STARD13: variants seen among roughly 807,000 people sequenced by gnomAD.
STARD13 encodes the protein StAR related lipid transfer domain containing 13.
STARD13 carries 62 observed loss-of-function variants against 106.4 expected under a neutral mutation model. The ratio of observed to expected loss-of-function variants is 0.58; its 90% CI spans 0.48 to 0.72. The LOEUF (loss-of-function observed/expected upper bound fraction) is 0.72, where lower values mean the gene tolerates loss of function less well. STARD13 is among the 30% of genes least tolerant of loss of function. The probability of loss-of-function intolerance (pLI) is 0.00; values close to 1 mark genes in which losing one functional copy is unlikely to be tolerated. For missense variants in STARD13, 1,387 were observed against 1,424.0 expected (o/e 0.97, Z 0.42); for synonymous variants, 565 against 553.0 (o/e 1.02, Z -0.31).
the STARD13 span, among the ~76,000 whole-genome samples, chr13:33,486,348 G>A: frequency 1.2e-4 from 19 of 152,024 alleles, no homozygotes; most frequent in Non-Finnish European, 2.5e-4. Flanking sequence ...GTGGATGCCC[G>A]AAATTGTGCA....
chr13:33,136,853 C>T (rs780894648), intron 4 of STARD13, among the ~76,000 whole-genome samples: 9 of 152,164 alleles, frequency 5.9e-5, no homozygotes, highest in Non-Finnish European at 4.4e-5. Context: ...ACAGTGGGGT[C>T]GAAAGGGGTT....
chr13:33,397,718 C>G, the STARD13 span, among the ~76,000 whole-genome samples: 1 of 152,134 alleles, frequency 6.6e-6, no homozygotes, highest in South Asian at 2.1e-4. Context: ...ATTAGTCTGC[C>G]AGGACTGCTG....
chr13:33,271,158 C>G (rs1343161447), intron 1 of STARD13, among the ~76,000 whole-genome samples: 3 of 152,202 alleles, frequency 2.0e-5, no homozygotes, highest in Non-Finnish European at 4.4e-5. Flanking sequence ...TGTAACTATT[C>G]TGGTCTACGG....
chr13:33,339,644 C>T (rs973396159), intron 1 of STARD13, among the ~76,000 whole-genome samples: 2 of 152,224 alleles, frequency 1.3e-5, no homozygotes, highest in African/African-American at 4.8e-5. Context: ...ACACTTAGCA[C>T]AAAGCCTCTC....
At chr13:33,530,723 G>T in the STARD13 span, among the ~76,000 whole-genome samples, 3 of 152,084 alleles carry the variant, frequency 2.0e-5, no homozygotes, top group African/African-American at 7.2e-5. Context: ...TCTTTTTAAT[G>T]ATATTAGCAG....
chr13:33,676,113 A>G, the STARD13 span, among the ~76,000 whole-genome samples: 1 of 152,216 alleles, frequency 6.6e-6, no homozygotes. Context: ...CCGCAATCAC[A>G]GGAAACTGGA....
chr13:33,593,519 G>A, the STARD13 span, among the ~76,000 whole-genome samples: 1 of 152,076 alleles, frequency 6.6e-6, no homozygotes, highest in African/African-American at 2.4e-5. Context: ...CTTACTATGA[G>A]CTTTTTCACT....
the STARD13 span, among the ~76,000 whole-genome samples, chr13:33,375,434 G>A: frequency 6.6e-6 from 1 of 152,124 alleles, no homozygotes; most frequent in Non-Finnish European, 1.5e-5. Context: ...ATTATTTATA[G>A]TGCCCCTTTA....
chr13:33,110,519 T>C (rs901898102), intron 11 of STARD13, among the ~76,000 whole-genome samples, 167 bp downstream of exon 11: 1 of 152,216 alleles, frequency 6.6e-6, no homozygotes, highest in Non-Finnish European at 1.5e-5. Flanking sequence ...TCTCTGATTA[T>C]AGGCAACAGA....
At chr13:33,540,020 CA>C in the STARD13 span, among the ~76,000 whole-genome samples, 3 of 152,186 alleles carry the variant, frequency 2.0e-5, no homozygotes, top group African/African-American at 7.2e-5. Flanking sequence ...AACATATACC[CA>C]CTTAATGGCT....
chr13:33,540,144 G>A, the STARD13 span, among the ~76,000 whole-genome samples: 1 of 152,170 alleles, frequency 6.6e-6, no homozygotes, highest in Non-Finnish European at 1.5e-5. Context: ...AGAACCTAGT[G>A]GATGCCTGAA....
At chr13:33,383,160 G>A in the STARD13 span, among the ~76,000 whole-genome samples, 2 of 152,050 alleles carry the variant, frequency 1.3e-5, no homozygotes, top group East Asian at 3.9e-4. Context: ...CCCTTTCTTT[G>A]TCTCACAGAC....
At chr13:33,181,748 T>C (rs995517718) in intron 1 of STARD13, among the ~76,000 whole-genome samples, 3 of 152,236 alleles carry the variant, frequency 2.0e-5, no homozygotes, top group Admixed American at 1.3e-4. Flanking sequence ...ATATTGCTAC[T>C]GTTTTCTGAA....
the STARD13 span, among the ~76,000 whole-genome samples, chr13:33,453,364 G>A: frequency 6.6e-6 from 1 of 152,182 alleles, no homozygotes; most frequent in Non-Finnish European, 1.5e-5. Flanking sequence ...CCTGGAAAAT[G>A]TCAGATGTTG....
At chr13:33,174,874 G>A (rs758102633) in intron 1 of STARD13, among the ~76,000 whole-genome samples, 2 of 152,194 alleles carry the variant, frequency 1.3e-5, no homozygotes, top group African/African-American at 4.8e-5. Flanking sequence ...TCTGCCTAGA[G>A]TGCATGATCT....
At chr13:33,233,954 G>T (rs1294608954) in intron 1 of STARD13, among the ~76,000 whole-genome samples, 1 of 152,184 alleles carries the variant, frequency 6.6e-6, no homozygotes, top group Non-Finnish European at 1.5e-5. Flanking sequence ...CCGAATAGGT[G>T]GGGTGCCCCT....
the STARD13 span, among the ~76,000 whole-genome samples, chr13:33,516,873 C>T: frequency 6.8e-6 from 1 of 147,546 alleles, no homozygotes; most frequent in African/African-American, 2.5e-5. Flanking sequence ...CCCAGCAGTT[C>T]GAGGTTGTAG....
At chr13:33,194,017 T>C (rs1886438314) in intron 1 of STARD13, among the ~76,000 whole-genome samples, 1 of 152,166 alleles carries the variant, frequency 6.6e-6, no homozygotes, top group African/African-American at 2.4e-5. Context: ...GTTTTTTTCC[T>C]GTTACAAACT....
At chr13:33,126,262 T>C (rs1379926984) in intron 6 of STARD13, 22 bp from the exon 7 acceptor site, 4 of 1,611,802 alleles carry the variant, frequency 2.5e-6, no homozygotes, top group South Asian at 1.1e-5. Context: ...AGAAACCAGG[T>C]CATGCAAGCC....
Sources: gnomAD v4.1 joint callset for allele counts (sites outside exome capture counted in the v4.1 genomes callset) on GRCh38, gnomAD v4.1.1 for gene constraint, MANE v1.5 for transcripts, NCBI Gene and HGNC (gene_info 2026-07-23, HGNC 2026-07-21) for gene names.